The following CUL4A variants were observed in gnomAD, a reference collection of about 807,000 sequenced individuals.
CUL4A encodes cullin-4A.
CUL4A carries 16 observed loss-of-function variants against 95.5 expected under a neutral mutation model. The ratio of observed to expected loss-of-function variants is 0.17; its 90% CI spans 0.11 to 0.25. The LOEUF is 0.25. Among genes scored for constraint, CUL4A ranks in the 10% least tolerant of loss-of-function variants. The pLI, the probability that CUL4A is intolerant of heterozygous loss-of-function variation, is 1.00. For synonymous variants in CUL4A, 380 were observed against 353.1 expected (o/e 1.08, Z -0.85); for missense variants, 610 against 937.0 (o/e 0.65, Z 4.56).
chr13:113,249,382 T>C (rs1404881088), intron 15 of CUL4A, among the ~76,000 whole-genome samples: 1 of 152,060 alleles, frequency 6.6e-6, no homozygotes, highest in Non-Finnish European at 1.5e-5. Flanking sequence ...CCATCCATGC[T>C]GTACCATACA....
At chr13:113,262,787 G>T (rs1460332601) in intron 19 of CUL4A, 2 of 152,250 alleles carry the variant, frequency 1.3e-5, no homozygotes, top group African/African-American at 2.4e-5. Context: ...TCACTTATAC[G>T]TGCCCTTGCT....
intron 7 of CUL4A, among the ~76,000 whole-genome samples, chr13:113,234,829 A>G (rs2041484462): frequency 2.0e-5 from 3 of 152,194 alleles, no homozygotes; most frequent in African/African-American, 7.2e-5. Context: ...ACGAAAGAGA[A>G]GTGCAGCCTG....
At chr13:113,259,625 C>A (rs1409252630) in intron 18 of CUL4A, among the ~76,000 whole-genome samples, 1 of 152,190 alleles carries the variant, frequency 6.6e-6, no homozygotes, top group Admixed American at 6.5e-5. Flanking sequence ...CTTTCAACTG[C>A]TACAGTGCTC....
rs1335522515 is a variant in CUL4A at position 113,245,952 on chromosome 13, T to C, written c.1531-4T>C. 6.2e-7 allele frequency: 1 copy of C among 1,601,176 alleles called. No homozygotes were observed. The highest frequency in any genetic ancestry group is 8.5e-7 in the Non-Finnish European group (1 of 1,170,240). The stretch of plus-strand genomic sequence containing the variant: ...AATGATTGTCTTGGATTTCTCTGTT[T>C]TAGCATATGCAGAATCAGAGTGACT... On this transcript the variant is annotated splice_region_variant and splice_polypyrimidine_tract_variant and intron_variant, in intron 14 of 19. Transcript: ENST00000375440.
intron 15 of CUL4A, among the ~76,000 whole-genome samples, chr13:113,252,047 G>A (rs1424652747): frequency 2.0e-5 from 3 of 152,130 alleles, no homozygotes; most frequent in Non-Finnish European, 2.9e-5. Context: ...GCTGAAGAGT[G>A]GAGGGTATGA....
intron 2 of CUL4A, among the ~76,000 whole-genome samples, chr13:113,210,870 C>T (rs1458596142): frequency 6.6e-6 from 1 of 152,202 alleles, no homozygotes; most frequent in Non-Finnish European, 1.5e-5. Context: ...ACTTCAATCA[C>T]CTATACTCCT....
At chr13:113,208,245 A>G (rs1296105635), upstream of CUL4A, 1 of 1,448,614 alleles carries the variant, frequency 6.9e-7, no homozygotes, top group African/African-American at 1.6e-5. Context: ...AGCACCGCCC[A>G]CAGCGGGCCC....
chr13:113,244,575 C>G (rs2041808781), intron 12 of CUL4A, 61 bp downstream of exon 12: 2 of 1,207,404 alleles, frequency 1.7e-6, no homozygotes, highest in South Asian at 1.3e-5. Flanking sequence ...GCCCTGCTTT[C>G]CCAGAGGAGG....
chr13:113,228,652 G>T (rs1471013232), intron 4 of CUL4A, among the ~76,000 whole-genome samples: 1 of 151,964 alleles, frequency 6.6e-6, no homozygotes, highest in African/African-American at 2.4e-5. Context: ...CAGGTAGTGG[G>T]CTCGATGGTA....
chr13:113,211,990 G>T (rs1356209686), intron 2 of CUL4A, among the ~76,000 whole-genome samples: 1 of 152,206 alleles, frequency 6.6e-6, no homozygotes, highest in East Asian at 1.9e-4. Flanking sequence ...GGTGTCCTCA[G>T]TCTGTAACTT....
chr13:113,212,486 C>T (rs2040486122), intron 2 of CUL4A, among the ~76,000 whole-genome samples: 1 of 152,138 alleles, frequency 6.6e-6, no homozygotes, highest in East Asian at 1.9e-4. Flanking sequence ...TTGTGAAATA[C>T]AAATCTAGAG....
intron 8 of CUL4A, among the ~76,000 whole-genome samples, chr13:113,235,999 G>A (rs1173377926): frequency 6.6e-6 from 1 of 151,742 alleles, no homozygotes; most frequent in African/African-American, 2.4e-5. Flanking sequence ...AAATGATACA[G>A]TGTGCAGAAC....
At chr13:113,215,587 G>A (rs947459431) in intron 2 of CUL4A, among the ~76,000 whole-genome samples, 2 of 150,694 alleles carry the variant, frequency 1.3e-5, no homozygotes, top group African/African-American at 4.9e-5. Flanking sequence ...AGGTCTCTGC[G>A]TGACTGTGGA....
At position 113,228,781 on chromosome 13, in the gene CUL4A, G is replaced by T. The variant is rs1045729272; in HGVS notation, c.439-665G>T. Among the ~76,000 whole-genome samples, 7 of 151,998 alleles carry T rather than the reference G, an allele frequency of 4.6e-5. 1 individual carries two copies. The highest frequency in any genetic ancestry group is 1.7e-4 in the African/African-American group (7 of 41,380). ...CAGGAACTCAGGTTTTAAAAGCTAAGTGCATCTCCCTAATCTAGTAAGAAG... is the reference window on the plus strand; with the variant it reads ...CAGGAACTCAGGTTTTAAAAGCTAATTGCATCTCCCTAATCTAGTAAGAAG... On this transcript the variant is annotated intron_variant, in intron 4 of 19. Transcript: ENST00000375440.
chr13:113,233,779 A>T, intron 6 of CUL4A, 118 bp from the exon 7 acceptor site: 1 of 697,116 alleles, frequency 1.4e-6, no homozygotes, highest in Non-Finnish European at 2.6e-6. Context: ...CTGGGTGGCC[A>T]CAGGCGCCTC....
chr13:113,260,850 C>T (rs1487633325), intron 19 of CUL4A, 91 bp downstream of exon 19: 3 of 1,000,608 alleles, frequency 3.0e-6, no homozygotes, highest in Non-Finnish European at 4.4e-6. Context: ...TATCATTTGA[C>T]CTGCATTATT....
intron 7 of CUL4A, 21 bp from the exon 8 acceptor site, chr13:113,235,042 T>G: frequency 6.5e-7 from 1 of 1,532,230 alleles, no homozygotes; most frequent in Non-Finnish European, 9.0e-7. Context: ...TACTGATACA[T>G]TTAATTGTTT....
chr13:113,235,970 CAAAA>C (rs35017025), intron 8 of CUL4A, among the ~76,000 whole-genome samples: 2 of 65,102 alleles, frequency 3.1e-5, no homozygotes, highest in African/African-American at 5.6e-5. Flanking sequence ...GACTCCGTCT[CAAAA>C]AAAAAAAAAA....
intron 9 of CUL4A, among the ~76,000 whole-genome samples, chr13:113,237,355 A>G (rs1054970001): frequency 1.3e-5 from 2 of 152,222 alleles, no homozygotes; most frequent in African/African-American, 2.4e-5. Flanking sequence ...TGGTCTGCTT[A>G]AGCAGAGTAT....
Sources: gnomAD v4.1 joint callset for allele counts (sites outside exome capture counted in the v4.1 genomes callset) on GRCh38, gnomAD v4.1.1 for gene constraint, MANE v1.5 for transcripts, NCBI Gene and HGNC (gene_info 2026-07-23, HGNC 2026-07-21) for gene names.